The following MGAT4C variants were observed in gnomAD, a reference collection of about 807,000 sequenced individuals.
MGAT4C encodes the protein alpha-1,3-mannosyl-glycoprotein 4-beta-N-acetylglucosaminyltransferase C.
In MGAT4C, 19 loss-of-function variants were observed where a neutral mutation model predicts 40.1. That is an observed-to-expected ratio of 0.47 (90% CI 0.33 to 0.70). The LOEUF (loss-of-function observed/expected upper bound fraction) is 0.70, where lower values mean the gene tolerates loss of function less well. Among genes scored for constraint, MGAT4C ranks in the 30% least tolerant of loss-of-function variants. The pLI, the probability that MGAT4C is intolerant of heterozygous loss-of-function variation, is 0.02. For synonymous variants in MGAT4C, 181 were observed against 187.1 expected (o/e 0.97, Z 0.27); for missense variants, 491 against 563.2 (o/e 0.87, Z 1.30).
chr12:86,480,859 T>C (rs568121560), intron 2 of MGAT4C, among the ~76,000 whole-genome samples: 2 of 151,048 alleles, frequency 1.3e-5, no homozygotes, highest in East Asian at 3.9e-4. Context: ...TTTTTGTTTC[T>C]TTTTTTTTCT....
rs540260416 is a variant in MGAT4C, at chr12:86,187,613, T to A, written c.-57+68626A>T. Among the ~76,000 whole-genome samples, 4 of 151,242 alleles carry A rather than the reference T, an allele frequency of 2.6e-5. 1 individual carries two copies. The highest frequency in any genetic ancestry group is 9.6e-5 in the African/African-American group (4 of 41,452). On this transcript the variant is annotated intron_variant, in intron 1 of 4. Transcript: ENST00000611864. ...CTAGAATGTCACATAATAATAAATC[T>A]TTCCTTTCTATAGTGACTAGTTCAT... is the stretch of plus-strand genomic sequence containing the variant.
At chr12:86,442,196 A>AT (rs538735591) in intron 2 of MGAT4C, among the ~76,000 whole-genome samples, 244 of 151,814 alleles carry the variant, frequency 1.6e-3, no homozygotes, top group South Asian at 2.3e-3. Flanking sequence ...GGATTGTTTG[A>AT]TTTTTTCTTG....
At chr12:86,509,921 G>T in intron 2 of MGAT4C, among the ~76,000 whole-genome samples, 1 of 152,134 alleles carries the variant, frequency 6.6e-6, no homozygotes, top group African/African-American at 2.4e-5. Context: ...TGTATCCTGA[G>T]ACTTTGCTGA....
chr12:86,782,528 A>T (rs558440425), intron 1 of MGAT4C, among the ~76,000 whole-genome samples: 1 of 152,102 alleles, frequency 6.6e-6, no homozygotes, highest in Non-Finnish European at 1.5e-5. Flanking sequence ...AATAGGGTTA[A>T]TATAAATATC....
At chr12:86,271,508 A>G (rs1952947272) in intron 4 of MGAT4C, among the ~76,000 whole-genome samples, 1 of 152,228 alleles carries the variant, frequency 6.6e-6, no homozygotes, top group African/African-American at 2.4e-5. Flanking sequence ...TATTAAAAAG[A>G]CAACAGATGT....
intron 3 of MGAT4C, among the ~76,000 whole-genome samples, chr12:86,339,917 A>G (rs1313449588): frequency 6.6e-6 from 1 of 152,154 alleles, no homozygotes; most frequent in Non-Finnish European, 1.5e-5. Flanking sequence ...CAGTACATAG[A>G]GCAGCACTTT....
chr12:86,595,159 T>A (rs1372955912), intron 2 of MGAT4C, among the ~76,000 whole-genome samples: 3 of 152,166 alleles, frequency 2.0e-5, no homozygotes, highest in Non-Finnish European at 2.9e-5. Context: ...CTAATCTCCA[T>A]GTGACACTGA....
chr12:86,001,005 A>T (rs944595627), intron 2 of MGAT4C, among the ~76,000 whole-genome samples: 1 of 152,158 alleles, frequency 6.6e-6, no homozygotes, highest in African/African-American at 2.4e-5. Flanking sequence ...GACACTATAC[A>T]CTTGGGAATT....
intron 1 of MGAT4C, among the ~76,000 whole-genome samples, chr12:86,730,917 C>A (rs1391290045): frequency 6.6e-6 from 1 of 151,916 alleles, no homozygotes; most frequent in East Asian, 1.9e-4. Context: ...TTATTTAATC[C>A]TCCACAGCAC....
At chr12:86,776,957 A>G (rs1951757744) in intron 1 of MGAT4C, among the ~76,000 whole-genome samples, 1 of 152,188 alleles carries the variant, frequency 6.6e-6, no homozygotes, top group East Asian at 1.9e-4. Context: ...CATCTATTTG[A>G]CTAATTTAAA....
intron 1 of MGAT4C, among the ~76,000 whole-genome samples, chr12:86,077,431 A>G (rs1018187415): frequency 6.6e-6 from 1 of 152,232 alleles, no homozygotes; most frequent in East Asian, 1.9e-4. Flanking sequence ...AAAGGAAATA[A>G]AACGAATATA....
intron 2 of MGAT4C, among the ~76,000 whole-genome samples, chr12:86,626,602 A>G (rs1442538336): frequency 6.6e-6 from 1 of 152,204 alleles, no homozygotes; most frequent in Non-Finnish European, 1.5e-5. Flanking sequence ...TATAAAATGT[A>G]TTTATTTAGG....
chr12:86,709,084 C>A (rs1267289207), intron 2 of MGAT4C, among the ~76,000 whole-genome samples: 1 of 152,100 alleles, frequency 6.6e-6, no homozygotes, highest in Non-Finnish European at 1.5e-5. Context: ...ACCCAAATCT[C>A]ATCTTGAATT....
chr12:86,547,466 CT>C (rs1488703572), intron 2 of MGAT4C, among the ~76,000 whole-genome samples: 3 of 151,982 alleles, frequency 2.0e-5, no homozygotes, highest in Non-Finnish European at 4.4e-5. Flanking sequence ...GCATTTTTGA[CT>C]GTTTATCTCA....
intron 2 of MGAT4C, among the ~76,000 whole-genome samples, chr12:86,708,867 G>A (rs1461725945): frequency 6.6e-6 from 1 of 152,162 alleles, no homozygotes; most frequent in African/African-American, 2.4e-5. Context: ...TATGAAGTAA[G>A]TAACTTGCTT....
At chr12:86,798,973 G>A (rs1410113502) in intron 1 of MGAT4C, among the ~76,000 whole-genome samples, 1 of 151,784 alleles carries the variant, frequency 6.6e-6, no homozygotes, top group East Asian at 1.9e-4. Context: ...CTTTATAGAA[G>A]GGACCTTTGC....
In MGAT4C at chr12:85,972,916, ATAGT is replaced by A. The variant is rs1236245302; in HGVS notation, c.*6369_*6372del. On this transcript the variant is annotated 3_prime_UTR_variant, in exon 5 of 5. Transcript: ENST00000611864. ...GATGGAAAAAATAGGACTATGTCAAATAGTTAAACAAATGTGGGGTATTTTATGG... is the reference window on the plus strand; with the variant it reads ...GATGGAAAAAATAGGACTATGTCAAATAAACAAATGTGGGGTATTTTATGG... 1 of 151,188 alleles carries A rather than the reference ATAGT, an allele frequency of 6.6e-6. No homozygotes were observed. The highest frequency in any genetic ancestry group is 1.9e-4 in the East Asian group (1 of 5,178). The allele number at this position is 151,188 out of a possible 1,614,324, so 9.4% of individuals were successfully genotyped here. A position where few individuals can be genotyped will look rare whatever the true frequency, so the allele number is the denominator to read the frequency against.
chr12:86,608,188 T>C (rs140854819), intron 2 of MGAT4C, among the ~76,000 whole-genome samples: 1 of 152,220 alleles, frequency 6.6e-6, no homozygotes, highest in East Asian at 1.9e-4. Flanking sequence ...CTAATTATCA[T>C]ACCATATGAT....
chr12:86,447,543 C>T (rs1254524350), intron 2 of MGAT4C, among the ~76,000 whole-genome samples: 2 of 151,900 alleles, frequency 1.3e-5, no homozygotes. Flanking sequence ...TTCATGAGTA[C>T]CAGTTTTTTT....
Sources: allele counts gnomAD v4.1 joint callset (sites outside exome capture counted in the v4.1 genomes callset), GRCh38; gene constraint gnomAD v4.1.1; transcripts MANE v1.5; gene names NCBI Gene and HGNC (gene_info 2026-07-23, HGNC 2026-07-21).